The following BTBD9 variants were observed in gnomAD, a reference collection of about 807,000 sequenced individuals.
The protein encoded by BTBD9 is BTB domain containing 9.
BTBD9 carries 49 observed loss-of-function variants against 64.3 expected under a neutral mutation model. The observed-to-expected ratio is 0.76, with a 90% CI of 0.61 to 0.97. The LOEUF (loss-of-function observed/expected upper bound fraction) is 0.97. Ranked by LOEUF, BTBD9 falls within the 50% of genes least tolerant of loss-of-function variation. BTBD9 has a pLI of 0.00. For synonymous variants in BTBD9, 260 were observed against 274.7 expected (o/e 0.95, Z 0.53); for missense variants, 598 against 762.1 (o/e 0.78, Z 2.53).
At chr6:38,465,895 A>C (rs1176426450) in intron 6 of BTBD9, among the ~76,000 whole-genome samples, 2 of 125,870 alleles carry the variant, frequency 1.6e-5, no homozygotes, top group South Asian at 2.5e-4. Flanking sequence ...CCGTGGTATG[A>C]TCATGGCTCA....
chr6:38,597,239 T>C (rs1777074194), intron 2 of BTBD9, among the ~76,000 whole-genome samples: 1 of 152,228 alleles, frequency 6.6e-6, no homozygotes, highest in African/African-American at 2.4e-5. Flanking sequence ...CAATGGAATC[T>C]CCATTTTAGA....
At chr6:38,354,664 A>T (rs1002906226) in intron 6 of BTBD9, among the ~76,000 whole-genome samples, 1 of 152,132 alleles carries the variant, frequency 6.6e-6, no homozygotes, top group Non-Finnish European at 1.5e-5. Context: ...TTTTCACAGA[A>T]AATTTCAAGG....
chr6:38,584,439 G>A (rs575699458), intron 4 of BTBD9, among the ~76,000 whole-genome samples: 1 of 152,182 alleles, frequency 6.6e-6, no homozygotes, highest in African/African-American at 2.4e-5. Context: ...GGTAGAGATT[G>A]CTAATTATTA....
chr6:38,348,853 T>C (rs113316732), intron 6 of BTBD9, among the ~76,000 whole-genome samples: 85 of 152,246 alleles, frequency 5.6e-4, no homozygotes, highest in African/African-American at 1.8e-3. Context: ...TCCAACAGAA[T>C]CAGGTTTGTT....
At chr6:38,452,493 T>C (rs938617551) in intron 6 of BTBD9, among the ~76,000 whole-genome samples, 4 of 152,038 alleles carry the variant, frequency 2.6e-5, no homozygotes, top group Non-Finnish European at 4.4e-5. Context: ...TAACTGGATG[T>C]TGGAAAAATC....
In BTBD9 at chr6:38,559,362, T is replaced by C. The variant is rs577419155; in HGVS notation, c.1154+18238A>G. Among the ~76,000 whole-genome samples the C allele has an allele frequency of 2.6e-5, 4 of 151,404 alleles. No individual in the cohort carries two copies. In the South Asian group the frequency reaches 6.3e-4, roughly 24 times the overall value. On this transcript the variant is annotated intron_variant, in intron 6 of 10. Coordinates refer to ENST00000481247, the MANE Select transcript of BTBD9 (RefSeq NM_001099272.2). ...AGGGAAAAAAAAAACTAGGAATATG[T>C]CTAAATAAGGAGGTGAAAGATCTCT...
chr6:38,253,281 T>C (rs1437743765), intron 9 of BTBD9, among the ~76,000 whole-genome samples: 2 of 152,160 alleles, frequency 1.3e-5, no homozygotes, highest in African/African-American at 4.8e-5. Flanking sequence ...CTCAGGAAAC[T>C]TACAATCATG....
At chr6:38,193,579 G>A (rs937008224) in intron 9 of BTBD9, among the ~76,000 whole-genome samples, 1 of 152,214 alleles carries the variant, frequency 6.6e-6, no homozygotes, top group Non-Finnish European at 1.5e-5. Flanking sequence ...CTGAGAGGAG[G>A]AGTTCTGCTC....
chr6:38,565,985 ACAGT>A (rs1775475780), intron 6 of BTBD9: 1 of 152,216 alleles, frequency 6.6e-6, no homozygotes. Context: ...TCGATTGTTC[ACAGT>A]CAGTTACAGA....
chr6:38,548,727 G>C (rs78995817), intron 6 of BTBD9, among the ~76,000 whole-genome samples: 2 of 152,152 alleles, frequency 1.3e-5, no homozygotes, highest in African/African-American at 4.8e-5. Flanking sequence ...TTCAAATATT[G>C]TTAAGGGTCA....
intron 6 of BTBD9, among the ~76,000 whole-genome samples, chr6:38,362,511 AAAT>A (rs1219596175): frequency 6.6e-6 from 1 of 152,262 alleles, no homozygotes; most frequent in Non-Finnish European, 1.5e-5. Flanking sequence ...TCACCACAGC[AAAT>A]AATATTTATG....
intron 7 of BTBD9, among the ~76,000 whole-genome samples, chr6:38,296,731 A>G (rs1762168674): frequency 6.6e-6 from 1 of 152,200 alleles, no homozygotes; most frequent in African/African-American, 2.4e-5. Flanking sequence ...TAAATATTTT[A>G]TAATTTCCTT....
intron 1 of BTBD9, among the ~76,000 whole-genome samples, chr6:38,600,131 CT>C (rs1279298121): frequency 1.3e-5 from 2 of 152,188 alleles, no homozygotes. Context: ...CACACAACAA[CT>C]GTGTAATATA....
rs1766890304 is a variant in BTBD9, at chr6:38,400,721, C to A, written c.1155-55628G>T. ...CAAGGTAGTTTAGTCTCTCTCAGAG[C>A]ATCAACTACTTTTAAACGTTTATTT... is the stretch of plus-strand genomic sequence containing the variant. On this transcript the variant is annotated intron_variant, in intron 6 of 10. Transcript: ENST00000481247. 2.0e-5 allele frequency among the ~76,000 whole-genome samples: 3 copies of A among 152,190 alleles called. No individual in the cohort carries two copies. In the South Asian group the frequency reaches 6.2e-4, roughly 32 times the overall value.
At chr6:38,379,257 A>G (rs1042982279) in intron 6 of BTBD9, among the ~76,000 whole-genome samples, 9 of 152,170 alleles carry the variant, frequency 5.9e-5, no homozygotes, top group Non-Finnish European at 8.8e-5. Flanking sequence ...ACTTTCAAAA[A>G]AGAAAGAAAT....
chr6:38,207,050 G>C (rs1474163034), intron 9 of BTBD9, among the ~76,000 whole-genome samples: 1 of 152,156 alleles, frequency 6.6e-6, no homozygotes, highest in Non-Finnish European at 1.5e-5. Flanking sequence ...TTTAATTTAT[G>C]ATGTGTTTGC....
At chr6:38,255,406 G>A (rs1384871078) in intron 9 of BTBD9, among the ~76,000 whole-genome samples, 1 of 152,164 alleles carries the variant, frequency 6.6e-6, no homozygotes, top group Non-Finnish European at 1.5e-5. Context: ...CTGTAAAAGT[G>A]TAAATTTTAT....
rs571833087 is a variant in BTBD9, at chr6:38,483,164, T to C, written c.1154+94436A>G. On this transcript the variant is annotated intron_variant, in intron 6 of 10. Coordinates refer to ENST00000481247, the MANE Select transcript of BTBD9 (RefSeq NM_001099272.2). The stretch of plus-strand genomic sequence containing the variant: ...ATCATTTCTCTGCTTCCCCTCCCAG[T>C]GATACTTTATCTTCTACATGTATTG... Among the ~76,000 whole-genome samples, 3 of 152,160 alleles carry C rather than the reference T, an allele frequency of 2.0e-5. 1 individual carries two copies. Among genetic ancestry groups the C allele is most frequent in the Admixed American group, 2.0e-4 (3 of 15,264 alleles).
chr6:38,427,477 A>G (rs1282004819), intron 6 of BTBD9, among the ~76,000 whole-genome samples: 1 of 152,008 alleles, frequency 6.6e-6, no homozygotes, highest in East Asian at 1.9e-4. Context: ...AGTACGCACC[A>G]GGGAGCTGGA....
Sources: allele counts gnomAD v4.1 joint callset (sites outside exome capture counted in the v4.1 genomes callset), GRCh38; gene constraint gnomAD v4.1.1; transcripts MANE v1.5; gene names NCBI Gene and HGNC (gene_info 2026-07-23, HGNC 2026-07-21).